Variants in PDE4DIP observed in about 807,000 individuals in gnomAD.
PDE4DIP encodes phosphodiesterase 4D interacting protein.
PDE4DIP carries 59 observed loss-of-function variants against 221.4 expected under a neutral mutation model. The observed-to-expected ratio is 0.27, with a 90% CI of 0.22 to 0.33. The LOEUF is 0.33. Among genes scored for constraint, PDE4DIP ranks in the 10% least tolerant of loss-of-function variants. The pLI, the probability that PDE4DIP is intolerant of heterozygous loss-of-function variation, is 1.00. For missense variants in PDE4DIP, 1,036 were observed against 2,154.2 expected, an observed-to-expected ratio of 0.48 and a Z score of 10.28; for synonymous variants, 404 against 815.9, an observed-to-expected ratio of 0.50 and a Z score of 8.60.
chr1:149,013,218 G>A (rs1553607355), intron 32 of PDE4DIP, among the ~76,000 whole-genome samples: 1 of 151,950 alleles, frequency 6.6e-6, no homozygotes, highest in Non-Finnish European at 1.5e-5. Context: ...ATCAAGTTCA[G>A]TTCCTGATAT....
chr1:148,883,982 T>G (rs1694851981), intron 3 of PDE4DIP, among the ~76,000 whole-genome samples: 1 of 141,602 alleles, frequency 7.1e-6, no homozygotes, highest in Admixed American at 7.0e-5. Context: ...TTTTTTCTTT[T>G]CCAAGTTTCC....
At chr1:148,830,539 T>C (rs1671732612) in intron 1 of PDE4DIP, among the ~76,000 whole-genome samples, 2 of 85,580 alleles carry the variant, frequency 2.3e-5, no homozygotes, top group African/African-American at 3.9e-5. Flanking sequence ...AACTCGTTAT[T>C]TACATTAGGT....
At chr1:148,955,767 T>A (rs1384068298) in intron 5 of PDE4DIP, among the ~76,000 whole-genome samples, 49 of 152,252 alleles carry the variant, frequency 3.2e-4, no homozygotes, top group African/African-American at 1.2e-3. Flanking sequence ...TCAGGTCAAG[T>A]CCCTTTACTT....
chr1:148,997,104 G>T (rs1377262130), intron 22 of PDE4DIP, among the ~76,000 whole-genome samples: 1 of 152,014 alleles, frequency 6.6e-6, no homozygotes, highest in African/African-American at 2.4e-5. Context: ...AGAAGAAAAA[G>T]AAGCCAATGT....
At chr1:148,919,350 T>G (rs1469796700) in intron 1 of PDE4DIP, among the ~76,000 whole-genome samples, 2 of 151,510 alleles carry the variant, frequency 1.3e-5, no homozygotes, top group African/African-American at 4.9e-5. Flanking sequence ...CAGTTTAAGG[T>G]CACACAGGGA....
chr1:148,905,178 G>GTTTTTTTTTT (rs56687289), intron 1 of PDE4DIP, among the ~76,000 whole-genome samples: 2 of 94,504 alleles, frequency 2.1e-5, no homozygotes, highest in Non-Finnish European at 2.0e-5. Context: ...TCTCTTCTAG[G>GTTTTTTTTTT]TTTTTTTTTT....
intron 23 of PDE4DIP, among the ~76,000 whole-genome samples, chr1:149,000,655 C>G (rs1285997633): frequency 6.6e-6 from 1 of 151,880 alleles, no homozygotes; most frequent in African/African-American, 2.4e-5. Flanking sequence ...AAACAAGCAC[C>G]TTATGGGATT....
At chr1:148,936,698 T>C (rs1553475133) in intron 4 of PDE4DIP, among the ~76,000 whole-genome samples, 1 of 152,250 alleles carries the variant, frequency 6.6e-6, no homozygotes, top group Non-Finnish European at 1.5e-5. Flanking sequence ...GTTTATTCTG[T>C]TTTTAAATTT....
Position 148,978,060 on chromosome 1 carries a change from C to G in PDE4DIP, c.2436+7C>G, listed in dbSNP as rs1477602332. The G allele has an allele frequency of 2.5e-6, 4 of 1,609,934 alleles. No individual in the cohort carries two copies. Among genetic ancestry groups the G allele is most frequent in the Non-Finnish European group, 3.4e-6 (4 of 1,177,224 alleles). On this transcript the variant is annotated splice_region_variant and intron_variant, in intron 18 of 43. Coordinates refer to ENST00000369354, the Ensembl canonical transcript of PDE4DIP. ...TAAAGAAGATCTCATAAAGGTCTTT[C>G]AAAACTTTTTAAAGACCACTGGAAA...
intron 5 of PDE4DIP, among the ~76,000 whole-genome samples, chr1:148,951,684 C>G (rs587611871): frequency 6.6e-6 from 1 of 152,266 alleles, no homozygotes; most frequent in Non-Finnish European, 1.5e-5. Context: ...TTCTCTTCTA[C>G]TATCTTCAAG....
At chr1:148,940,938 C>T (rs1365682118) in intron 5 of PDE4DIP, among the ~76,000 whole-genome samples, 2 of 151,048 alleles carry the variant, frequency 1.3e-5, no homozygotes, top group Non-Finnish European at 2.9e-5. Flanking sequence ...CCCAATGGAA[C>T]ATTCAAATTC....
intron 1 of PDE4DIP, among the ~76,000 whole-genome samples, chr1:148,923,534 C>T (rs587649003): frequency 6.9e-6 from 1 of 145,634 alleles, no homozygotes; most frequent in African/African-American, 2.6e-5. Context: ...AGTGCAGTGG[C>T]GCGATCTCGG....
chr1:148,866,918 GTCT>G (rs1246602256), intron 2 of PDE4DIP, among the ~76,000 whole-genome samples: 1 of 16,204 alleles, frequency 6.2e-5, no homozygotes, highest in Non-Finnish European at 1.0e-4. Context: ...TGCCATGACT[GTCT>G]TCTTATTTAA....
chr1:149,021,526 C>T (rs2488972), intron 37 of PDE4DIP: 15,389 of 160,282 alleles, frequency 0.096, 795 homozygotes, highest in Admixed American at 0.15. Flanking sequence ...GCAGGCAGTC[C>T]GCTCCCACCC....
chr1:149,009,655 C>G (rs1340319880), exon 30 of PDE4DIP: 3 of 1,614,090 alleles, frequency 1.9e-6, no homozygotes, highest in Non-Finnish European at 2.5e-6. Context: ...CCTCCAGCAG[C>G]CATGCCTTGT....
intron 36 of PDE4DIP, 100 bp downstream of exon 39, chr1:149,020,436 T>C (rs1403140346): frequency 7.2e-6 from 1 of 137,994 alleles, no homozygotes; most frequent in African/African-American, 2.8e-5. Context: ...ATTGATGTCC[T>C]CTTTTGGAAA....
chr1:148,954,355 T>A lies in PDE4DIP; in HGVS notation c.637-6299T>A, dbSNP rs587675816. On this transcript the variant is annotated intron_variant, in intron 5 of 43. Transcript: ENST00000369354. ...TCTCTAGTTAGTTCTTCCTGGAGCA[T>A]TAAAGCCTTCATCCGCAAAATGCCT... Among the ~76,000 whole-genome samples, 536 of 152,192 alleles carry A rather than the reference T, an allele frequency of 3.5e-3. 1 individual carries two copies. The highest frequency in any genetic ancestry group is 0.012 in the African/African-American group (511 of 41,530).
chr1:148,955,160 C>A (rs1436701588), intron 5 of PDE4DIP, among the ~76,000 whole-genome samples: 1 of 152,178 alleles, frequency 6.6e-6, no homozygotes, highest in Non-Finnish European at 1.5e-5. Context: ...GTATGCTTAA[C>A]ACTGTGTACT....
chr1:148,933,647 T>A (rs1324306075), intron 4 of PDE4DIP, among the ~76,000 whole-genome samples: 2 of 152,116 alleles, frequency 1.3e-5, no homozygotes, highest in Admixed American at 1.3e-4. Context: ...TTTAACTGAA[T>A]AGGCAAAAAC....
Sources: allele counts gnomAD v4.1 joint callset (sites outside exome capture counted in the v4.1 genomes callset), GRCh38; gene constraint gnomAD v4.1.1; transcripts MANE v1.5; gene names NCBI Gene and HGNC (gene_info 2026-07-23, HGNC 2026-07-21).